LARS2: variants seen among roughly 807,000 people sequenced by gnomAD.
LARS2 encodes the protein leucine--tRNA ligase, mitochondrial.
LARS2 carries 81 observed loss-of-function variants against 116.6 expected under a neutral mutation model. The observed-to-expected ratio is 0.69, with a 90% CI of 0.58 to 0.84. The LOEUF (loss-of-function observed/expected upper bound fraction) is 0.84, where lower values mean the gene tolerates loss of function less well. Ranked by LOEUF, LARS2 falls within the 40% of genes least tolerant of loss-of-function variation. The pLI, the probability that LARS2 is intolerant of heterozygous loss-of-function variation, is 0.00. For synonymous variants in LARS2, 396 were observed against 407.2 expected (o/e 0.97, Z 0.33); for missense variants, 968 against 1,114.5 (o/e 0.87, Z 1.87).
At chr3:45,499,376 A>T (rs1273629336) in intron 14 of LARS2, among the ~76,000 whole-genome samples, 1 of 152,170 alleles carries the variant, frequency 6.6e-6, no homozygotes, top group Non-Finnish European at 1.5e-5. Flanking sequence ...CTGGAGGCGG[A>T]GGTTGCAGTG....
intron 6 of LARS2, among the ~76,000 whole-genome samples, chr3:45,444,439 G>A (rs1321007635): frequency 2.7e-5 from 4 of 148,436 alleles, no homozygotes; most frequent in Non-Finnish European, 6.0e-5. Context: ...CGAGGTGGGC[G>A]GATCACGAGG....
intron 1 of LARS2, among the ~76,000 whole-genome samples, chr3:45,390,856 G>T (rs1697932208): frequency 6.6e-6 from 1 of 151,284 alleles, no homozygotes; most frequent in African/African-American, 2.4e-5. Flanking sequence ...GTTTCACCGT[G>T]GTCTCGATCT....
chr3:45,437,595 C>A (rs1169902586), intron 6 of LARS2, among the ~76,000 whole-genome samples: 1 of 152,184 alleles, frequency 6.6e-6, no homozygotes, highest in Non-Finnish European at 1.5e-5. Flanking sequence ...AGGAGGAAGA[C>A]GTGGCTATGT....
intron 10 of LARS2, among the ~76,000 whole-genome samples, chr3:45,480,643 T>C (rs1448273244): frequency 6.6e-6 from 1 of 152,214 alleles, no homozygotes; most frequent in Non-Finnish European, 1.5e-5. Flanking sequence ...GGAAGAAATA[T>C]GGAGAACACT....
intron 4 of LARS2, among the ~76,000 whole-genome samples, chr3:45,407,808 A>C (rs1698255565): frequency 6.6e-6 from 1 of 152,200 alleles, no homozygotes; most frequent in South Asian, 2.1e-4. Flanking sequence ...GCCCTTTCAT[A>C]GTAACAGTTA....
intron 11 of LARS2, among the ~76,000 whole-genome samples, chr3:45,487,682 A>G (rs1484197721): frequency 6.6e-6 from 1 of 152,128 alleles, no homozygotes; most frequent in Non-Finnish European, 1.5e-5. Flanking sequence ...AACATCCTGC[A>G]ATGCAAAAGA....
intron 15 of LARS2, 86 bp from the exon 16 acceptor site, chr3:45,513,049 C>T (rs1002196231): frequency 2.2e-6 from 2 of 891,958 alleles, no homozygotes; most frequent in Non-Finnish European, 1.9e-6. Context: ...CTACTTCTGC[C>T]CATCCGAGGG....
At chr3:45,485,470 T>G (rs765289539) in intron 10 of LARS2, among the ~76,000 whole-genome samples, 1 of 152,246 alleles carries the variant, frequency 6.6e-6, no homozygotes, top group Non-Finnish European at 1.5e-5. Context: ...TTTTTCACTT[T>G]TCATGAGCAT....
chr3:45,426,665 G>A (rs1320585300), intron 6 of LARS2, among the ~76,000 whole-genome samples: 1 of 152,158 alleles, frequency 6.6e-6, no homozygotes, highest in African/African-American at 2.4e-5. Flanking sequence ...ACCTCATGAG[G>A]AGCTGTGCCC....
chr3:45,428,849 T>C (rs1223501259), intron 6 of LARS2, among the ~76,000 whole-genome samples: 2 of 152,098 alleles, frequency 1.3e-5, no homozygotes, highest in African/African-American at 4.8e-5. Flanking sequence ...GCTTTATCTC[T>C]TTTTATTTAT....
intron 7 of LARS2, among the ~76,000 whole-genome samples, chr3:45,455,096 TA>T (rs1442489479): frequency 6.6e-6 from 1 of 151,936 alleles, no homozygotes; most frequent in African/African-American, 2.4e-5. Flanking sequence ...AGTCTTTCAT[TA>T]GGGGGATAAA....
intron 4 of LARS2, among the ~76,000 whole-genome samples, chr3:45,417,147 G>T (rs915663162): frequency 1.7e-4 from 25 of 151,426 alleles, no homozygotes; most frequent in African/African-American, 6.1e-4. Context: ...GTGTGTGTGT[G>T]TGTATATATA....
intron 19 of LARS2, 35 bp from the exon 20 acceptor site, chr3:45,523,962 C>A (rs1329583229): frequency 1.3e-6 from 2 of 1,488,054 alleles, no homozygotes; most frequent in South Asian, 2.3e-5. Context: ...TATTTTTACA[C>A]CTCAGTCTTC....
At chr3:45,407,922 A>G (rs1439803605) in intron 4 of LARS2, among the ~76,000 whole-genome samples, 2 of 152,216 alleles carry the variant, frequency 1.3e-5, no homozygotes, top group Non-Finnish European at 2.9e-5. Context: ...TCGGATGAAC[A>G]ACTATATCTT....
chr3:45,538,836 TTCCAG>T (rs1700749724), intron 20 of LARS2, among the ~76,000 whole-genome samples: 1 of 152,178 alleles, frequency 6.6e-6, no homozygotes, highest in South Asian at 2.1e-4. Context: ...GAACTCTCAG[TTCCAG>T]TCCACAACAA....
At position 45,488,687 on chromosome 3, in the gene LARS2, C is replaced by T. The variant is rs755818238; in HGVS notation, c.1124-10C>T. 6.5e-7 allele frequency: 1 copy of T among 1,545,238 alleles called. No homozygotes were observed. The highest frequency in any genetic ancestry group is 1.7e-5 in the Admixed American group (1 of 59,936). Reference sequence around the variant, plus strand: ...GAAGGAAATGTTTTCTTTTCTTCTCCTCTGAATAGGAATTCCCAGTACTAG... The same window carrying T: ...GAAGGAAATGTTTTCTTTTCTTCTCTTCTGAATAGGAATTCCCAGTACTAG... On this transcript the variant is annotated splice_polypyrimidine_tract_variant and intron_variant, in intron 11 of 21. Transcript: ENST00000645846.
chr3:45,443,002 C>T (rs1235458609), intron 6 of LARS2, among the ~76,000 whole-genome samples: 3 of 152,212 alleles, frequency 2.0e-5, no homozygotes, highest in African/African-American at 4.8e-5. Flanking sequence ...AAGCAGCATC[C>T]CTGGCCTCTA....
chr3:45,463,940 ATCT>A (rs1230642674), intron 8 of LARS2, among the ~76,000 whole-genome samples: 1 of 152,220 alleles, frequency 6.6e-6, no homozygotes, highest in Non-Finnish European at 1.5e-5. Context: ...ACAAGGGAGC[ATCT>A]TCTTGCCCTC....
intron 7 of LARS2, among the ~76,000 whole-genome samples, chr3:45,448,516 T>C (rs1699058390): frequency 6.6e-6 from 1 of 151,814 alleles, no homozygotes; most frequent in South Asian, 2.1e-4. Context: ...CACAGAAATA[T>C]AGAGGTGTGA....
Sources: allele counts gnomAD v4.1 joint callset (sites outside exome capture counted in the v4.1 genomes callset), GRCh38; gene constraint gnomAD v4.1.1; transcripts MANE v1.5; gene names NCBI Gene and HGNC (gene_info 2026-07-23, HGNC 2026-07-21).